Variants in ADGRB3 observed in about 807,000 individuals in gnomAD.
The protein encoded by ADGRB3 is brain-specific angiogenesis inhibitor 3.
Under a neutral mutation model 193.4 loss-of-function variants are expected in ADGRB3, and 37 were observed. The observed-to-expected ratio is 0.19, with a 90% CI of 0.15 to 0.25. ADGRB3 has a LOEUF of 0.25. Ranked by LOEUF, ADGRB3 falls within the 10% of genes least tolerant of loss-of-function variation. The pLI, the probability that ADGRB3 is intolerant of heterozygous loss-of-function variation, is 1.00. For synonymous variants in ADGRB3, 690 were observed against 644.2 expected (o/e 1.07, Z -1.08); for missense variants, 1,637 against 1,852.9 (o/e 0.88, Z 2.14).
At chr6:69,086,771 A>T (rs1211350069) in intron 17 of ADGRB3, among the ~76,000 whole-genome samples, 1 of 152,182 alleles carries the variant, frequency 6.6e-6, no homozygotes, top group Non-Finnish European at 1.5e-5. Flanking sequence ...ATTATGGTTT[A>T]GGGTATGAGA....
chr6:68,772,884 A>AAC (rs1415511270), intron 3 of ADGRB3, among the ~76,000 whole-genome samples: 6,732 of 35,204 alleles, frequency 0.19, 441 homozygotes, highest in Admixed American at 0.21. Context: ...CAAACAAACA[A>AAC]AAAAAAAAAA....
chr6:68,745,950 G>C (rs936227695), intron 3 of ADGRB3, among the ~76,000 whole-genome samples: 1 of 151,908 alleles, frequency 6.6e-6, no homozygotes, highest in African/African-American at 2.4e-5. Context: ...GTATTTGCCA[G>C]ACACTGTTTC....
intron 17 of ADGRB3, among the ~76,000 whole-genome samples, chr6:69,166,880 C>T (rs559642041): frequency 1.3e-5 from 2 of 152,212 alleles, no homozygotes; most frequent in South Asian, 2.1e-4. Flanking sequence ...TGCTCCCTAG[C>T]TTTCTCTTTT....
chr6:69,215,135 A>G (rs1238565794), intron 17 of ADGRB3, among the ~76,000 whole-genome samples: 1 of 152,186 alleles, frequency 6.6e-6, no homozygotes, highest in East Asian at 1.9e-4. Context: ...TAACATGGCA[A>G]TGCAGTACAG....
At chr6:69,319,926 G>T (rs914457350) in intron 20 of ADGRB3, among the ~76,000 whole-genome samples, 2 of 151,158 alleles carry the variant, frequency 1.3e-5, no homozygotes, top group African/African-American at 2.4e-5. Context: ...TGTGATTTTT[G>T]ATGTTTGGAA....
In ADGRB3 at chr6:69,354,336, T is replaced by A; in HGVS notation, c.3555+8T>A. The A allele has an allele frequency of 2.5e-6, 4 of 1,601,422 alleles. No homozygotes were observed. Among genetic ancestry groups the A allele is most frequent in the Non-Finnish European group, 3.4e-6 (4 of 1,168,568 alleles). On this transcript the variant is annotated splice_region_variant and intron_variant, in intron 27 of 31. Coordinates refer to ENST00000370598, the MANE Select transcript of ADGRB3 (RefSeq NM_001704.3). ...GGGCATGCTCAAATCATGGTGAGTTTTTATTTTTCCCCGATTGTTAATTAA... is the reference window on the plus strand; with the variant it reads ...GGGCATGCTCAAATCATGGTGAGTTATTATTTTTCCCCGATTGTTAATTAA...
At chr6:69,019,703 C>CT (rs1770204344) in intron 13 of ADGRB3, among the ~76,000 whole-genome samples, 1 of 151,972 alleles carries the variant, frequency 6.6e-6, no homozygotes, top group African/African-American at 2.4e-5. Flanking sequence ...AGTTTAACAT[C>CT]TTAATGCATC....
chr6:68,975,672 A>T (rs544955061), intron 10 of ADGRB3, among the ~76,000 whole-genome samples: 56 of 152,336 alleles, frequency 3.7e-4, no homozygotes, highest in East Asian at 1.3e-3. Context: ...TTAAATACTT[A>T]TTTTAAAATA....
At chr6:69,259,238 C>T (rs544549781) in intron 20 of ADGRB3, among the ~76,000 whole-genome samples, 2 of 152,232 alleles carry the variant, frequency 1.3e-5, no homozygotes, top group East Asian at 1.9e-4. Flanking sequence ...TGAGATTCAG[C>T]AAAAGCTGGG....
At chr6:69,237,697 T>C (rs1456124521) in intron 19 of ADGRB3, among the ~76,000 whole-genome samples, 1 of 152,086 alleles carries the variant, frequency 6.6e-6, no homozygotes, top group Non-Finnish European at 1.5e-5. Flanking sequence ...ACTAAAACCC[T>C]TTTCATAATG....
chr6:68,859,996 G>A (rs1275379524), intron 3 of ADGRB3, among the ~76,000 whole-genome samples: 1 of 151,812 alleles, frequency 6.6e-6, no homozygotes, highest in African/African-American at 2.4e-5. Context: ...GTAACTATAG[G>A]TATTTTATGA....
intron 3 of ADGRB3, among the ~76,000 whole-genome samples, chr6:68,782,366 C>A (rs1473439463): frequency 1.3e-5 from 2 of 151,854 alleles, no homozygotes; most frequent in Non-Finnish European, 2.9e-5. Context: ...TTAATCCAGT[C>A]TATCATTGTT....
At chr6:68,759,058 T>G (rs1361098990) in intron 3 of ADGRB3, among the ~76,000 whole-genome samples, 1 of 152,088 alleles carries the variant, frequency 6.6e-6, no homozygotes, top group Non-Finnish European at 1.5e-5. Context: ...CCTTCAAAGA[T>G]CACCTCATCG....
In ADGRB3 at chr6:69,388,686, C is replaced by G. The variant is rs1770126662; in HGVS notation, c.4381-17C>G. Reference sequence around the variant, plus strand: ...GGTCATCACATAAATGACTCTCTTTCCCTCTCTTCTCAACAGGAAAACCCC... The same window carrying G: ...GGTCATCACATAAATGACTCTCTTTGCCTCTCTTCTCAACAGGAAAACCCC... On this transcript the variant is annotated splice_polypyrimidine_tract_variant and intron_variant, in intron 31 of 31. Transcript: ENST00000370598. 5 of 1,605,762 alleles carry G rather than the reference C, an allele frequency of 3.1e-6. No individual in the cohort carries two copies. The highest frequency in any genetic ancestry group is 4.3e-6 in the Non-Finnish European group (5 of 1,175,822).
chr6:69,041,273 G>C (rs1771060477), intron 13 of ADGRB3, among the ~76,000 whole-genome samples: 1 of 151,708 alleles, frequency 6.6e-6, no homozygotes, highest in African/African-American at 2.4e-5. Context: ...GTTTCTTATA[G>C]ATCACTGTTG....
intron 20 of ADGRB3, among the ~76,000 whole-genome samples, chr6:69,291,806 A>G (rs528972030): frequency 2.0e-4 from 31 of 152,302 alleles, no homozygotes; most frequent in African/African-American, 7.0e-4. Context: ...TAAAGAGCAC[A>G]TGCAGGAAGG....
At chr6:68,949,446 C>A (rs1330661453) in intron 6 of ADGRB3, among the ~76,000 whole-genome samples, 3 of 152,122 alleles carry the variant, frequency 2.0e-5, no homozygotes, top group East Asian at 1.9e-4. Context: ...AACAGGTAGA[C>A]CCAAATATTT....
chr6:68,777,816 C>T lies in ADGRB3; in HGVS notation c.757+138384C>T, dbSNP rs544787713. On this transcript the variant is annotated intron_variant, in intron 3 of 31. Transcript: ENST00000370598. The stretch of plus-strand genomic sequence containing the variant: ...AAGGTCCAGAGAATTCATGCATAGA[C>T]ATGTACACAGGGTCTGCCACAAAAA... Among the ~76,000 whole-genome samples the T allele has an allele frequency of 9.5e-4, 144 of 152,110 alleles. 2 individuals are homozygous for T. The South Asian group carries it at 0.012, about 12-fold the overall frequency.
chr6:68,982,009 C>T lies in ADGRB3; in HGVS notation c.1734+6669C>T, dbSNP rs1021194782. Among the ~76,000 whole-genome samples, 4 of 152,126 alleles carry T rather than the reference C, an allele frequency of 2.6e-5. No individual in the cohort carries two copies. The East Asian group carries it at 7.7e-4, about 29-fold the overall frequency. Reference sequence around the variant, plus strand: ...CAAGCGATTCTCCTGCCTCAGCCTCCTGAGTAGCTGGGATTACAGGCGCCT... The same window carrying T: ...CAAGCGATTCTCCTGCCTCAGCCTCTTGAGTAGCTGGGATTACAGGCGCCT... On this transcript the variant is annotated intron_variant, in intron 10 of 31. Coordinates refer to ENST00000370598, the MANE Select transcript of ADGRB3 (RefSeq NM_001704.3).
Sources: gnomAD v4.1 joint callset for allele counts (sites outside exome capture counted in the v4.1 genomes callset) on GRCh38, gnomAD v4.1.1 for gene constraint, MANE v1.5 for transcripts, NCBI Gene and HGNC (gene_info 2026-07-23, HGNC 2026-07-21) for gene names.